The following TEAD2 variants were observed in gnomAD, a reference collection of about 807,000 sequenced individuals.
TEAD2 encodes transcriptional enhancer factor TEF-4.
A neutral mutation model predicts 61.4 loss-of-function variants in TEAD2; 51 were observed. The observed-to-expected ratio is 0.83, with a 90% CI of 0.66 to 1.05. The LOEUF is 1.05. Among genes scored for constraint, TEAD2 ranks in the 50% least tolerant of loss-of-function variants. TEAD2 has a pLI of 0.00. For missense variants in TEAD2, 509 were observed against 600.0 expected, an observed-to-expected ratio of 0.85 and a Z score of 1.58; for synonymous variants, 244 against 243.2, an observed-to-expected ratio of 1.00 and a Z score of -0.03.
At chr19:49,349,115 C>T in intron 8 of TEAD2, 1 of 336,374 alleles carries the variant, frequency 3.0e-6, no homozygotes, top group Non-Finnish European at 5.4e-6. Flanking sequence ...TGGCCAAGTC[C>T]TGCTTGGGAG....
At chr19:49,348,923 C>A in intron 8 of TEAD2, 78 bp from the exon 9 acceptor site, 1 of 1,422,712 alleles carries the variant, frequency 7.0e-7, no homozygotes, top group Non-Finnish European at 9.2e-7. Context: ...TCTTGCCTGC[C>A]TCCACTTAGA....
chr19:49,355,984 TGGGGGA>T lies in TEAD2; in HGVS notation c.361-20_361-15del. On this transcript the variant is annotated splice_polypyrimidine_tract_variant and intron_variant, in intron 4 of 12. Transcript: ENST00000593945. The stretch of plus-strand genomic sequence containing the variant: ...CACGTTCAGAGCCTGCCCGTGGGGG[TGGGGGA>T]GGGTGCCAAAGGAGGAAAGAAAACA... 8.1e-7 allele frequency: 1 copy of T among 1,242,028 alleles called. No individual in the cohort carries two copies. Among genetic ancestry groups the T allele is most frequent in the Non-Finnish European group, 1.0e-6 (1 of 993,254 alleles). 76.9% of individuals were successfully genotyped at this position (1,242,028 alleles called of 1,614,324 possible). A position where few individuals can be genotyped will look rare whatever the true frequency, so the allele number is the denominator to read the frequency against.
intron 7 of TEAD2, 99 bp downstream of exon 7, chr19:49,355,049 A>ACATT: frequency 1.3e-6 from 1 of 762,382 alleles, no homozygotes; most frequent in Non-Finnish European, 2.3e-6. Context: ...ATACATACAT[A>ACATT]AATGGGGGGA....
Position 49,351,385 on chromosome 19 carries a change from A to C in TEAD2, c.540-20T>G, listed in dbSNP as rs1417592911. On this transcript the variant is annotated intron_variant, in intron 7 of 12. Coordinates refer to ENST00000593945, the MANE Select transcript of TEAD2 (RefSeq NM_001256660.2). ...TTCACACTGAGGGAAAAAGGAAGCC[A>C]GGGGTTAGCCAGGTAGAAAGATGCT... is the stretch of plus-strand genomic sequence containing the variant. 1 of 1,602,536 alleles carries C rather than the reference A, an allele frequency of 6.2e-7. No individual in the cohort carries two copies. Among genetic ancestry groups the C allele is most frequent in the Non-Finnish European group, 8.5e-7 (1 of 1,175,352 alleles).
intron 7 of TEAD2, among the ~76,000 whole-genome samples, chr19:49,354,040 C>T (rs1397603139): frequency 3.3e-5 from 5 of 150,444 alleles, no homozygotes; most frequent in Non-Finnish European, 7.4e-5. Context: ...CCTCGTGATC[C>T]ACCCGCCTCA....
Position 49,360,079 on chromosome 19 carries a change from G to A in TEAD2, c.-4C>T, listed in dbSNP as rs1972727849. The A allele has an allele frequency of 3.1e-6, 5 of 1,602,752 alleles. No individual in the cohort carries two copies. Among genetic ancestry groups the A allele is most frequent in the African/African-American group, 1.3e-5 (1 of 74,916 alleles). ...CCCCAGCCCGGGGTTCCCCCATCTG[G>A]GCCTGGAGGAACACAGAACTCAGCA... On this transcript the variant is annotated splice_region_variant and 5_prime_UTR_variant, in exon 2 of 13. Transcript: ENST00000593945.
chr19:49,356,231 A>G, intron 4 of TEAD2: 1 of 367,512 alleles, frequency 2.7e-6, no homozygotes, highest in Non-Finnish European at 4.8e-6. Context: ...TCCAGGAGAC[A>G]GGAAATGAGA....
At chr19:49,360,616 A>G (rs1255931224) in intron 1 of TEAD2, among the ~76,000 whole-genome samples, 1 of 152,042 alleles carries the variant, frequency 6.6e-6, no homozygotes, top group Middle Eastern at 3.2e-3. Context: ...GTGGTGGGGA[A>G]GGAAGGTGTG....
intron 8 of TEAD2, among the ~76,000 whole-genome samples, chr19:49,350,532 G>A (rs751571952): frequency 2.4e-4 from 36 of 151,826 alleles, no homozygotes; most frequent in African/African-American, 3.6e-4. Flanking sequence ...GGGTGGTTTC[G>A]CCATGTTGGC....
intron 7 of TEAD2, among the ~76,000 whole-genome samples, chr19:49,354,595 C>A (rs1972252575): frequency 6.6e-6 from 1 of 152,096 alleles, no homozygotes; most frequent in South Asian, 2.1e-4. Flanking sequence ...CACCTCAAGG[C>A]TCTCTCAGAA....
chr19:49,348,376 G>A (rs992568022), intron 9 of TEAD2, among the ~76,000 whole-genome samples: 13 of 152,248 alleles, frequency 8.5e-5, no homozygotes, highest in African/African-American at 2.2e-4. Context: ...ACTCAAACAC[G>A]TTTGATAAAT....
Position 49,359,183 on chromosome 19 carries a change from A to G in TEAD2, c.297+252T>C, listed in dbSNP as rs1329948810. 17 of 431,116 alleles carry G rather than the reference A, an allele frequency of 3.9e-5. No homozygotes were observed. The highest frequency in any genetic ancestry group is 8.5e-6 in the Non-Finnish European group (2 of 234,586). 26.7% of individuals were successfully genotyped at this position (431,116 alleles called of 1,614,324 possible). A position where few individuals can be genotyped will look rare whatever the true frequency, so the allele number is the denominator to read the frequency against. On this transcript the variant is annotated intron_variant, in intron 3 of 12. Transcript: ENST00000593945. The surrounding 1 kb of genome is among the most constrained non-coding windows in gnomAD (Gnocchi z 4.1). ...AACCCGGGAGGCAGAGGTTGCAGTG[A>G]GCCAAGATCGCGCCACTGCACTCCG...
intron 4 of TEAD2, 78 bp from the exon 5 acceptor site, chr19:49,356,048 C>T: frequency 8.8e-7 from 1 of 1,138,558 alleles, no homozygotes. Context: ...ACTCCCCCAC[C>T]TCCCTGCCCT....
chr19:49,342,191 CA>C (rs879592919), intron 12 of TEAD2, among the ~76,000 whole-genome samples: 83 of 143,956 alleles, frequency 5.8e-4, no homozygotes, highest in Admixed American at 6.2e-4. Context: ...GACTCCATCT[CA>C]AAAAAAAAAA....
rs1972643744 is a variant in TEAD2, at chr19:49,359,349, T to A, written c.297+86A>T. 2 of 1,260,288 alleles carry A rather than the reference T, an allele frequency of 1.6e-6. No homozygotes were observed. 78.1% of individuals were successfully genotyped at this position (1,260,288 alleles called of 1,614,324 possible). A position where few individuals can be genotyped will look rare whatever the true frequency, so the allele number is the denominator to read the frequency against. On this transcript the variant is annotated intron_variant, in intron 3 of 12. Coordinates refer to ENST00000593945, the MANE Select transcript of TEAD2 (RefSeq NM_001256660.2). This position sits in a 1 kb window ranked among gnomAD's most constrained non-coding sequence, Gnocchi z 4.1. ...GATGAACGCACAGGAAGCAGCTTCT[T>A]CCTTGAACCTGAACCTGCCCATGCG...
intron 1 of TEAD2, among the ~76,000 whole-genome samples, chr19:49,360,780 ATGGGGACAGAGACCAGCAAGGGG>A: frequency 3.8e-5 from 1 of 26,142 alleles, no homozygotes; most frequent in Non-Finnish European, 6.6e-5. Context: ...CAGAGAGGGG[ATGGGGACAGAGACCAGCAAGGGG>A]GGGGGACAGA....
At chr19:49,342,724 A>C in intron 11 of TEAD2, 134 bp from the exon 12 acceptor site, 1 of 1,088,598 alleles carries the variant, frequency 9.2e-7, no homozygotes, top group Non-Finnish European at 1.3e-6. Context: ...TCATCACCCC[A>C]CCCACAGTGA....
At position 49,340,780 on chromosome 19, in the gene TEAD2, TA is replaced by T. The variant is rs11418227; in HGVS notation, c.*543del. On this transcript the variant is annotated 3_prime_UTR_variant, in exon 13 of 13. Coordinates refer to ENST00000593945, the MANE Select transcript of TEAD2 (RefSeq NM_001256660.2). Reference sequence around the variant, plus strand: ...CCCACTTATAAATATCTCGTTATATTAAAAAAAAAAAAAATGTCCAGGGCCC... The same window carrying T: ...CCCACTTATAAATATCTCGTTATATTAAAAAAAAAAAAATGTCCAGGGCCC... 0.044 allele frequency: 7,529 copies of T among 172,788 alleles called. No individual in the cohort carries two copies. Among genetic ancestry groups the T allele is most frequent in the South Asian group, 0.086 (737 of 8,604 alleles). The allele number at this position is 172,788 out of a possible 1,614,324, so 10.7% of individuals were successfully genotyped here.
At position 49,341,493 on chromosome 19, in the gene TEAD2, T is replaced by G; in HGVS notation, c.1243-56A>C. The G allele has an allele frequency of 5.7e-6, 8 of 1,409,008 alleles. No homozygotes were observed. Among genetic ancestry groups the G allele is most frequent in the Non-Finnish European group, 8.0e-6 (8 of 999,804 alleles). The allele number at this position is 1,409,008 out of a possible 1,614,324, so 87.3% of individuals were successfully genotyped here. ...GCTTAGAAGGGAGGGCAGGGACCCCTGTGCCCCCCTGCCAAGCTATCATGG... is the reference window on the plus strand; with the variant it reads ...GCTTAGAAGGGAGGGCAGGGACCCCGGTGCCCCCCTGCCAAGCTATCATGG... On this transcript the variant is annotated intron_variant, in intron 12 of 12. Transcript: ENST00000593945. The surrounding 1 kb of genome is among the most constrained non-coding windows in gnomAD (Gnocchi z 4.2).
Sources: allele counts gnomAD v4.1 joint callset (sites outside exome capture counted in the v4.1 genomes callset), GRCh38; gene constraint gnomAD v4.1.1; non-coding constraint Gnocchi (gnomAD v3.1); transcripts MANE v1.5; gene names NCBI Gene and HGNC (gene_info 2026-07-23, HGNC 2026-07-21).